The following CTNND2 variants were observed in gnomAD, a reference collection of about 807,000 sequenced individuals.
The protein encoded by CTNND2 is catenin delta-2.
A neutral mutation model predicts 144.4 loss-of-function variants in CTNND2; 22 were observed. The observed-to-expected ratio is 0.15, with a 90% CI of 0.11 to 0.22. The LOEUF is 0.22. Ranked by LOEUF, CTNND2 falls within the 10% of genes least tolerant of loss-of-function variation. The pLI is 1.00. For missense variants in CTNND2, 1,353 were observed against 1,618.8 expected (o/e 0.84, Z 2.82); for synonymous variants, 751 against 695.6 (o/e 1.08, Z -1.25).
chr5:11,780,119 A>G (rs4235613), intron 1 of CTNND2, among the ~76,000 whole-genome samples: 148,183 of 152,204 alleles, frequency 0.97, 72,259 homozygotes, highest in East Asian at 1. Flanking sequence ...TATCTACTGC[A>G]GACAGTAGTA....
At chr5:11,179,710 T>C (rs1760820861) in intron 11 of CTNND2, among the ~76,000 whole-genome samples, 2 of 152,216 alleles carry the variant, frequency 1.3e-5, no homozygotes, top group East Asian at 1.9e-4. Context: ...AACCCTCTTA[T>C]TAAAGGCTTA....
intron 1 of CTNND2, among the ~76,000 whole-genome samples, chr5:11,749,941 C>T (rs1292966024): frequency 6.6e-6 from 1 of 151,880 alleles, no homozygotes; most frequent in Non-Finnish European, 1.5e-5. Flanking sequence ...AATTATATAG[C>T]TATGATTAGT....
intron 1 of CTNND2, among the ~76,000 whole-genome samples, chr5:11,735,028 T>C (rs1376961585): frequency 1.3e-5 from 2 of 152,222 alleles, no homozygotes; most frequent in Admixed American, 1.3e-4. Context: ...AAAGGAAATC[T>C]GTTATGAACA....
intron 10 of CTNND2, among the ~76,000 whole-genome samples, chr5:11,223,247 C>G (rs1739979369): frequency 6.6e-6 from 1 of 152,192 alleles, no homozygotes; most frequent in Non-Finnish European, 1.5e-5. Flanking sequence ...TGACCCTGCC[C>G]TTGTCCATCT....
chr5:11,448,010 C>T (rs1764979705), intron 3 of CTNND2, among the ~76,000 whole-genome samples: 1 of 152,168 alleles, frequency 6.6e-6, no homozygotes, highest in Admixed American at 6.5e-5. Context: ...AAACTGGCCC[C>T]TAAATCAAGC....
At chr5:11,063,812 T>C (rs1018601160) in intron 16 of CTNND2, among the ~76,000 whole-genome samples, 6 of 139,316 alleles carry the variant, frequency 4.3e-5, no homozygotes, top group Non-Finnish European at 7.8e-5. Flanking sequence ...GGGGGTGGGG[T>C]TGGGGGGCAT....
intron 12 of CTNND2, among the ~76,000 whole-genome samples, chr5:11,154,172 G>A (rs922513041): frequency 6.6e-6 from 1 of 152,186 alleles, no homozygotes; most frequent in African/African-American, 2.4e-5. Context: ...CATCCCCTGC[G>A]TAAGAACCTC....
In CTNND2 at chr5:11,017,558, A is replaced by C. The variant is rs1439766531; in HGVS notation, c.3084+416T>G. Among the ~76,000 whole-genome samples the C allele has an allele frequency of 3.2e-4, 46 of 143,602 alleles. No individual in the cohort carries two copies. In the Admixed American group the frequency reaches 3.2e-3, roughly 10 times the overall value. 94.2% of individuals were successfully genotyped at this position (143,602 alleles called of 152,430 possible). The stretch of plus-strand genomic sequence containing the variant: ...TCTCTCTTTCCATATATAAAGATAT[A>C]TATACATATATATATATATCTTTCC... On this transcript the variant is annotated intron_variant, in intron 18 of 21. Transcript: ENST00000304623.
chr5:11,708,103 G>T (rs1394815201), intron 2 of CTNND2, among the ~76,000 whole-genome samples: 1 of 151,218 alleles, frequency 6.6e-6, no homozygotes, highest in Non-Finnish European at 1.5e-5. Context: ...TTGGAGTTCA[G>T]TGGTGTGTTC....
chr5:11,121,074 A>G (rs923805847), intron 12 of CTNND2, among the ~76,000 whole-genome samples: 3 of 152,220 alleles, frequency 2.0e-5, no homozygotes, highest in Non-Finnish European at 4.4e-5. Context: ...AGGTGAAGTC[A>G]TGTCAGCTTA....
chr5:11,901,646 G>A (rs1002857744), intron 1 of CTNND2, among the ~76,000 whole-genome samples: 6 of 152,052 alleles, frequency 3.9e-5, no homozygotes, highest in South Asian at 2.1e-4. Flanking sequence ...ACTCCTTTCC[G>A]CAAGACTATG....
At chr5:11,696,525 T>C (rs1326752432) in intron 2 of CTNND2, among the ~76,000 whole-genome samples, 1 of 152,222 alleles carries the variant, frequency 6.6e-6, no homozygotes, top group Admixed American at 6.5e-5. Context: ...TACCCTAAAC[T>C]GTTTAGACTA....
chr5:11,369,785 G>C (rs541410175), intron 7 of CTNND2, among the ~76,000 whole-genome samples: 14 of 152,260 alleles, frequency 9.2e-5, no homozygotes, highest in Admixed American at 2.6e-4. Context: ...GGGATAGGGG[G>C]ATCAAGAAAG....
At chr5:11,704,275 C>G (rs1260111849) in intron 2 of CTNND2, among the ~76,000 whole-genome samples, 4 of 152,210 alleles carry the variant, frequency 2.6e-5, no homozygotes, top group Non-Finnish European at 5.9e-5. Context: ...ATGGCCTTGG[C>G]TGACATTCAC....
At chr5:11,199,230 T>C (rs963161981) in intron 11 of CTNND2, among the ~76,000 whole-genome samples, 1 of 152,212 alleles carries the variant, frequency 6.6e-6, no homozygotes, top group Non-Finnish European at 1.5e-5. Flanking sequence ...CACAGAATTT[T>C]AGTGAGGATT....
chr5:11,345,509 C>A (rs1385379146), intron 9 of CTNND2, among the ~76,000 whole-genome samples: 1 of 152,126 alleles, frequency 6.6e-6, no homozygotes, highest in Non-Finnish European at 1.5e-5. Context: ...CAATACAGTA[C>A]ACAGGAACTT....
chr5:11,359,300 A>C (rs1419275855), intron 8 of CTNND2, among the ~76,000 whole-genome samples: 1 of 152,222 alleles, frequency 6.6e-6, no homozygotes, highest in Non-Finnish European at 1.5e-5. Context: ...CAAGAGGTAT[A>C]AATGCCCAAA....
intron 10 of CTNND2, among the ~76,000 whole-genome samples, chr5:11,228,059 T>C (rs1434499460): frequency 6.6e-6 from 1 of 152,030 alleles, no homozygotes; most frequent in Admixed American, 6.6e-5. Context: ...AATGCCCTGT[T>C]GGCTGGGCGT....
Position 11,082,714 on chromosome 5 carries a change from T to C in CTNND2, c.2770A>G (p.Arg924Gly). 2 of 1,614,120 alleles carry C rather than the reference T, an allele frequency of 1.2e-6. No individual in the cohort carries two copies. The highest frequency in any genetic ancestry group is 1.7e-6 in the Non-Finnish European group (2 of 1,179,990). ...AACATACCGATGAGCTCCTTATTTC[T>C]GACGTCCAAGGCCATGTTCCGCAGC... ...TALRNMALDV[R>G]NKELIGKYAM... Residue 924 changes from arginine to glycine, a missense_variant, in exon 16 of 22, where the codon AGA becomes GGA. Transcript: ENST00000304623.
Sources: allele counts gnomAD v4.1 joint callset (sites outside exome capture counted in the v4.1 genomes callset), GRCh38; gene constraint gnomAD v4.1.1; transcripts MANE v1.5; gene names NCBI Gene and HGNC (gene_info 2026-07-23, HGNC 2026-07-21).